CREBBP: variants seen among roughly 807,000 people sequenced by gnomAD.
CREBBP encodes the protein CREB-binding protein.
CREBBP carries 19 observed loss-of-function variants against 265.0 expected under a neutral mutation model. That is an observed-to-expected ratio of 0.07 (90% CI 0.05 to 0.11). CREBBP has a LOEUF of 0.11. Ranked by LOEUF, CREBBP falls within the 10% of genes least tolerant of loss-of-function variation. The pLI is 1.00. For synonymous variants in CREBBP, 1,457 were observed against 1,223.7 expected (o/e 1.19, Z -3.98); for missense variants, 2,525 against 3,219.0 (o/e 0.78, Z 5.22).
intron 2 of CREBBP, among the ~76,000 whole-genome samples, chr16:3,847,341 A>T (rs951638093): frequency 2.6e-5 from 4 of 152,146 alleles, no homozygotes; most frequent in Non-Finnish European, 4.4e-5. Context: ...AAATTATCTT[A>T]AAAAAAGCGC....
chr16:3,736,499 TTC>T, intron 27 of CREBBP, 149 bp downstream of exon 27: 1 of 1,176,218 alleles, frequency 8.5e-7, no homozygotes, highest in Non-Finnish European at 1.2e-6. Flanking sequence ...AAGAAAATGC[TTC>T]TAAGTTCTCA....
chr16:3,777,667 CAAAACA>C lies in CREBBP; in HGVS notation c.2114-16_2114-11del, dbSNP rs748236897. The C allele has an allele frequency of 1.9e-6, 3 of 1,613,428 alleles. No individual in the cohort carries two copies. Among genetic ancestry groups the C allele is most frequent in the Non-Finnish European group, 1.7e-6 (2 of 1,179,802 alleles). Reference sequence around the variant, plus strand: ...AGGGACAGGGGTCCATCTATGGTGGCAAAACAAAAACAAAAACAAAACCACCCTAGT... The same window carrying C: ...AGGGACAGGGGTCCATCTATGGTGGCAAAACAAAAACAAAACCACCCTAGT... On this transcript the variant is annotated splice_polypyrimidine_tract_variant and intron_variant, in intron 10 of 30. Transcript: ENST00000262367.
chr16:3,815,702 T>C (rs2054025191), intron 2 of CREBBP, among the ~76,000 whole-genome samples: 1 of 151,924 alleles, frequency 6.6e-6, no homozygotes, highest in South Asian at 2.1e-4. Flanking sequence ...TATTTATGGG[T>C]TACATGAGTT....
chr16:3,777,111 G>C (rs2053159021), intron 11 of CREBBP, among the ~76,000 whole-genome samples: 1 of 152,006 alleles, frequency 6.6e-6, no homozygotes, highest in South Asian at 2.1e-4. Flanking sequence ...GGGAGGCTGA[G>C]GTGGACGGAT....
chr16:3,816,507 C>T (rs2054039012), intron 2 of CREBBP, among the ~76,000 whole-genome samples: 3 of 152,124 alleles, frequency 2.0e-5, no homozygotes, highest in Admixed American at 2.0e-4. Context: ...TACAAAGAGG[C>T]ACCTGCAGCA....
rs187513219 is a variant in CREBBP at position 3,808,365 on chromosome 16, A to G, written c.975+2238T>C. On this transcript the variant is annotated intron_variant, in intron 3 of 30. Coordinates refer to ENST00000262367, the MANE Select transcript of CREBBP (RefSeq NM_004380.3). The stretch of plus-strand genomic sequence containing the variant: ...GTGCCTTGAGCCATTTTTGATTATC[A>G]TGGCTTAGAGGAGAAGGCTGTAAGC... Among the ~76,000 whole-genome samples, 212 of 152,304 alleles carry G rather than the reference A, an allele frequency of 1.4e-3. 3 individuals are homozygous for G. Among genetic ancestry groups the G allele is most frequent in the Admixed American group, 0.014 (209 of 15,306 alleles).
At chr16:3,874,586 A>C (rs1243748470) in intron 1 of CREBBP, among the ~76,000 whole-genome samples, 1 of 152,198 alleles carries the variant, frequency 6.6e-6, no homozygotes, top group Non-Finnish European at 1.5e-5. Flanking sequence ...CAGAAAGCCA[A>C]ATGCGTGCTC....
intron 8 of CREBBP, 70 bp from the exon 9 acceptor site, chr16:3,778,887 C>A (rs1217941503): frequency 7.3e-7 from 1 of 1,369,078 alleles, no homozygotes; most frequent in Non-Finnish European, 1.0e-6. Context: ...GGGGTTTCGT[C>A]CAGGCGCGGT....
At chr16:3,753,059 C>T (rs894507889) in intron 19 of CREBBP, among the ~76,000 whole-genome samples, 1 of 152,142 alleles carries the variant, frequency 6.6e-6, no homozygotes, top group Non-Finnish European at 1.5e-5. Flanking sequence ...AGCACGAATG[C>T]GGTTTAGTGC....
At chr16:3,805,760 G>A (rs533571795) in intron 3 of CREBBP, among the ~76,000 whole-genome samples, 4 of 152,256 alleles carry the variant, frequency 2.6e-5, no homozygotes, top group African/African-American at 9.6e-5. Context: ...TGGGACAGCT[G>A]GTCACAATGC....
intron 1 of CREBBP, among the ~76,000 whole-genome samples, chr16:3,853,136 C>A (rs2054887871): frequency 6.6e-6 from 1 of 152,124 alleles, no homozygotes; most frequent in Non-Finnish European, 1.5e-5. Flanking sequence ...GTTTCCTCAT[C>A]TGGAAACTAG....
intron 30 of CREBBP, among the ~76,000 whole-genome samples, chr16:3,730,911 C>T (rs574404451): frequency 8.5e-4 from 130 of 152,344 alleles, no homozygotes; most frequent in South Asian, 2.1e-3. Context: ...TGTTTCCAGC[C>T]ATTTAGCAAG....
intron 26 of CREBBP, chr16:3,737,105 G>C (rs2151331034): frequency 2.0e-6 from 1 of 505,634 alleles, no homozygotes; most frequent in East Asian, 3.6e-5. Flanking sequence ...GGAATATGAT[G>C]GCTCATCAAG....
chr16:3,879,784 G>A (rs1218361309), intron 1 of CREBBP, 48 bp downstream of exon 1: 2 of 1,535,808 alleles, frequency 1.3e-6, no homozygotes, highest in Non-Finnish European at 1.8e-6. Context: ...TTTCAGGTGG[G>A]GGTGACAGCG....
chr16:3,746,531 CAT>C (rs1455152632), intron 21 of CREBBP, among the ~76,000 whole-genome samples: 1 of 152,198 alleles, frequency 6.6e-6, no homozygotes, highest in Non-Finnish European at 1.5e-5. Context: ...CCACTGAGCT[CAT>C]CCCCAACGCT....
At chr16:3,856,702 T>C (rs1012856242) in intron 1 of CREBBP, among the ~76,000 whole-genome samples, 1 of 152,198 alleles carries the variant, frequency 6.6e-6, no homozygotes, top group South Asian at 2.1e-4. Context: ...CTGGAGCCAT[T>C]ACCATTAGAG....
intron 2 of CREBBP, among the ~76,000 whole-genome samples, chr16:3,845,827 C>T (rs1225237642): frequency 7.1e-6 from 1 of 140,364 alleles, no homozygotes; most frequent in East Asian, 2.1e-4. Context: ...GCAGAGGTTG[C>T]AGTGAGCTGA....
chr16:3,845,886 CAAAAA>C (rs58655991), intron 2 of CREBBP, among the ~76,000 whole-genome samples: 1 of 73,508 alleles, frequency 1.4e-5, no homozygotes, highest in Non-Finnish European at 2.8e-5. Context: ...GACCCTATCT[CAAAAA>C]AAAAAAAAAA....
Position 3,770,742 on chromosome 16 carries a change from G to C in CREBBP, c.2708C>G (p.Pro903Arg), listed in dbSNP as rs2141201229. Residue 903 changes from proline to arginine, a missense_variant, in exon 14 of 31, where the codon CCT becomes CGT. This residue lies in a region of CREBBP where 548 missense variants were observed against 533.0 expected (regional missense o/e 1.03). Transcript: ENST00000262367. ...SSSGQTPTPT[P>R]GSVPSATQTQ... ...TTGGGTAGCACTGGGCACTGAGCCA[G>C]GAGTCGGGGTGGGAGTCTGCCCGGA... 6.2e-7 allele frequency: 1 copy of C among 1,614,124 alleles called. No homozygotes were observed.
Sources: gnomAD v4.1 joint callset for allele counts (sites outside exome capture counted in the v4.1 genomes callset) on GRCh38, gnomAD v4.1.1 for gene constraint, gnomAD v4.1.1 regional missense constraint, MANE v1.5 for transcripts, NCBI Gene and HGNC (gene_info 2026-07-23, HGNC 2026-07-21) for gene names.